The following AGBL3 variants were observed in gnomAD, a reference collection of about 807,000 sequenced individuals.
AGBL3 encodes cytosolic carboxypeptidase 3.
Under a neutral mutation model 94.5 loss-of-function variants are expected in AGBL3, and 68 were observed. That is an observed-to-expected ratio of 0.72 (90% CI 0.59 to 0.88). The LOEUF is 0.88. Ranked by LOEUF, AGBL3 falls within the 40% of genes least tolerant of loss-of-function variation. The pLI is 0.00. For synonymous variants in AGBL3, 354 were observed against 370.7 expected, an observed-to-expected ratio of 0.95 and a Z score of 0.52; for missense variants, 934 against 1,103.8, an observed-to-expected ratio of 0.85 and a Z score of 2.18.
chr7:134,987,132 T>C (rs1809562400), intron 1 of AGBL3, among the ~76,000 whole-genome samples: 2 of 152,258 alleles, frequency 1.3e-5, no homozygotes, highest in South Asian at 2.1e-4. Context: ...TTCCGTGGCA[T>C]TGGCAGTGAT....
At chr7:135,130,402 G>A (rs1378628125) in intron 16 of AGBL3, among the ~76,000 whole-genome samples, 1 of 152,070 alleles carries the variant, frequency 6.6e-6, no homozygotes, top group Middle Eastern at 3.2e-3. Context: ...AGTGATACTG[G>A]CTCAGAAGAA....
chr7:135,003,662 T>C (rs1812010050), intron 4 of AGBL3, among the ~76,000 whole-genome samples: 1 of 151,728 alleles, frequency 6.6e-6, no homozygotes, highest in Non-Finnish European at 1.5e-5. Flanking sequence ...TTTTAATTTT[T>C]TTTTTTCTGC....
intron 13 of AGBL3, among the ~76,000 whole-genome samples, chr7:135,076,737 A>G (rs1820486477): frequency 6.6e-6 from 1 of 152,180 alleles, no homozygotes; most frequent in Non-Finnish European, 1.5e-5. Flanking sequence ...CCAGGGTAGC[A>G]AGAATAAAGA....
At chr7:135,021,419 G>C (rs1409128367) in intron 5 of AGBL3, among the ~76,000 whole-genome samples, 1 of 151,460 alleles carries the variant, frequency 6.6e-6, no homozygotes, top group African/African-American at 2.4e-5. Context: ...AGCCTCCCGA[G>C]TAGCTGGGAC....
chr7:135,102,153 A>G (rs1395888904), intron 15 of AGBL3, among the ~76,000 whole-genome samples: 1 of 152,184 alleles, frequency 6.6e-6, no homozygotes, highest in Non-Finnish European at 1.5e-5. Context: ...ATGGTAATTC[A>G]TGTTAGTTTA....
intron 8 of AGBL3, among the ~76,000 whole-genome samples, chr7:135,038,409 T>C (rs372400472): frequency 2.0e-5 from 3 of 152,246 alleles, no homozygotes; most frequent in East Asian, 1.9e-4. Flanking sequence ...TATGTAAATT[T>C]ATACTGTCAA....
At chr7:134,997,575 T>TG (rs1811166652) in intron 4 of AGBL3, among the ~76,000 whole-genome samples, 1 of 152,218 alleles carries the variant, frequency 6.6e-6, no homozygotes, top group Admixed American at 6.5e-5. Flanking sequence ...ACTTAGTCTC[T>TG]GGCCTTTCCA....
intron 16 of AGBL3, among the ~76,000 whole-genome samples, chr7:135,130,882 T>C (rs559873455): frequency 2.6e-5 from 4 of 152,122 alleles, no homozygotes; most frequent in Non-Finnish European, 5.9e-5. Flanking sequence ...TTTTGAAAAA[T>C]TGTCTTTCGT....
At chr7:135,059,077 T>C in intron 11 of AGBL3, 92 bp from the exon 12 acceptor site, 4 of 1,030,690 alleles carry the variant, frequency 3.9e-6, no homozygotes, top group Non-Finnish European at 5.7e-6. Context: ...ATTAGAACTT[T>C]TCAACCATTC....
intron 16 of AGBL3, among the ~76,000 whole-genome samples, chr7:135,131,334 G>A (rs1828737399): frequency 6.6e-6 from 1 of 151,824 alleles, no homozygotes; most frequent in African/African-American, 2.4e-5. Flanking sequence ...GTGAGGGGAG[G>A]GAACATAGAG....
chr7:135,032,243 G>A (rs1483717316), intron 5 of AGBL3, among the ~76,000 whole-genome samples: 1 of 152,080 alleles, frequency 6.6e-6, no homozygotes, highest in East Asian at 1.9e-4. Context: ...TGGTGAAAGG[G>A]CAAGTTCAGA....
At chr7:135,045,327 A>G (rs1393730582) in intron 9 of AGBL3, 147 bp from the exon 10 acceptor site, 6 of 635,532 alleles carry the variant, frequency 9.4e-6, no homozygotes, top group Non-Finnish European at 1.6e-5. Flanking sequence ...AAGCAATGAG[A>G]TGTTAAATGA....
chr7:135,063,603 A>C (rs1819030842), intron 12 of AGBL3, among the ~76,000 whole-genome samples: 1 of 151,936 alleles, frequency 6.6e-6, no homozygotes, highest in Non-Finnish European at 1.5e-5. Context: ...AGATATTTTT[A>C]AATTTCTGTT....
chr7:135,090,587 A>G (rs1821711874), intron 15 of AGBL3, among the ~76,000 whole-genome samples: 1 of 152,086 alleles, frequency 6.6e-6, no homozygotes. Flanking sequence ...TTTCCCTGGG[A>G]TACAGGGCAC....
intron 16 of AGBL3, among the ~76,000 whole-genome samples, chr7:135,116,620 A>G (rs1225325585): frequency 6.6e-6 from 1 of 152,166 alleles, no homozygotes; most frequent in African/African-American, 2.4e-5. Flanking sequence ...GAGACTCTTT[A>G]TAGGCCAGTG....
At chr7:135,093,717 A>C (rs991915059) in intron 15 of AGBL3, 1 of 152,198 alleles carries the variant, frequency 6.6e-6, no homozygotes, top group African/African-American at 2.4e-5. Context: ...TCCCTATCAA[A>C]ATGTCAGCTA....
At chr7:135,079,365 G>T (rs1335838178) in intron 13 of AGBL3, among the ~76,000 whole-genome samples, 1 of 151,962 alleles carries the variant, frequency 6.6e-6, no homozygotes, top group African/African-American at 2.4e-5. Flanking sequence ...TTTTCATACT[G>T]ATTTTGCCCA....
chr7:135,079,632 A>T (rs1585025923), intron 13 of AGBL3, among the ~76,000 whole-genome samples: 3 of 140,510 alleles, frequency 2.1e-5, no homozygotes, highest in African/African-American at 5.3e-5. Flanking sequence ...CTCCCCACTA[A>T]TTTTTTTTTT....
chr7:135,019,399 C>A (rs1035415920), intron 5 of AGBL3, among the ~76,000 whole-genome samples: 1 of 152,076 alleles, frequency 6.6e-6, no homozygotes, highest in African/African-American at 2.4e-5. Context: ...CATTTTGCAT[C>A]CTGCCTACTT....
Sources: gnomAD v4.1 joint callset for allele counts (sites outside exome capture counted in the v4.1 genomes callset) on GRCh38, gnomAD v4.1.1 for gene constraint, MANE v1.5 for transcripts, NCBI Gene and HGNC (gene_info 2026-07-23, HGNC 2026-07-21) for gene names.